Variants in PLD1 observed in about 807,000 individuals in gnomAD.
The protein encoded by PLD1 is choline phosphatase 1.
A neutral mutation model predicts 137.1 loss-of-function variants in PLD1; 112 were observed. The ratio of observed to expected loss-of-function variants is 0.82; its 90% CI spans 0.70 to 0.96. The LOEUF (loss-of-function observed/expected upper bound fraction) is 0.96, where lower values mean the gene tolerates loss of function less well. PLD1 is among the 40% of genes least tolerant of loss of function. The pLI, the probability that PLD1 is intolerant of heterozygous loss-of-function variation, is 0.00. For missense variants in PLD1, 1,321 were observed against 1,342.0 expected (o/e 0.98, Z 0.24); for synonymous variants, 431 against 454.7 (o/e 0.95, Z 0.66).
chr3:171,778,525 CA>C (rs1442105731), intron 1 of PLD1, among the ~76,000 whole-genome samples: 1 of 152,138 alleles, frequency 6.6e-6, no homozygotes, highest in African/African-American at 2.4e-5. Flanking sequence ...ATAAGATGGT[CA>C]GAAGAGGCCT....
At chr3:171,674,979 C>CAAAAAAAAAAAAAAAAAA (rs376402019) in intron 18 of PLD1, among the ~76,000 whole-genome samples, 8 of 74,976 alleles carry the variant, frequency 1.1e-4, no homozygotes, top group East Asian at 4.7e-4. Flanking sequence ...ATCTCCATCT[C>CAAAAAAAAAAAAAAAAAA]AAAAAAAAAA....
intron 1 of PLD1, among the ~76,000 whole-genome samples, chr3:171,757,925 A>C (rs1721136466): frequency 6.6e-6 from 1 of 152,238 alleles, no homozygotes; most frequent in African/African-American, 2.4e-5. Context: ...CCAATATAAG[A>C]AATAGCCAAT....
At chr3:171,656,156 T>TTTTTTTTATTTA (rs1553810398) in intron 21 of PLD1, among the ~76,000 whole-genome samples, 80 of 145,424 alleles carry the variant, frequency 5.5e-4, no homozygotes, top group African/African-American at 2.0e-3. Context: ...AATACTATAA[T>TTTTTTTTATTTA]TTTATTTATT....
intron 1 of PLD1, among the ~76,000 whole-genome samples, chr3:171,753,729 C>T (rs1038589581): frequency 6.6e-6 from 1 of 152,080 alleles, no homozygotes; most frequent in South Asian, 2.1e-4. Flanking sequence ...ATTATTTCAT[C>T]AGTCAACTCC....
At chr3:171,667,671 T>C (rs1231518936) in intron 19 of PLD1, among the ~76,000 whole-genome samples, 1 of 152,140 alleles carries the variant, frequency 6.6e-6, no homozygotes, top group Admixed American at 6.5e-5. Flanking sequence ...GTTACAACCA[T>C]CCTGGTCTTA....
intron 19 of PLD1, among the ~76,000 whole-genome samples, chr3:171,667,603 G>A (rs1712278356): frequency 6.6e-6 from 1 of 152,226 alleles, no homozygotes; most frequent in Non-Finnish European, 1.5e-5. Context: ...TGTGGCAACA[G>A]AAGGTGATAC....
intron 23 of PLD1, among the ~76,000 whole-genome samples, chr3:171,621,225 G>T (rs1733609004): frequency 6.6e-6 from 1 of 152,014 alleles, no homozygotes; most frequent in African/African-American, 2.4e-5. Context: ...ATCACATGGG[G>T]GCCATTCACA....
intron 19 of PLD1, among the ~76,000 whole-genome samples, chr3:171,669,342 T>G (rs1373134983): frequency 6.6e-6 from 1 of 152,120 alleles, no homozygotes; most frequent in African/African-American, 2.4e-5. Flanking sequence ...GCATAAAAAT[T>G]TCTATCTAGA....
chr3:171,682,302 T>C lies in PLD1; in HGVS notation c.1867+4383A>G, dbSNP rs372143306. On this transcript the variant is annotated intron_variant, in intron 16 of 26. Coordinates refer to ENST00000351298, the MANE Select transcript of PLD1 (RefSeq NM_002662.5). ...TGACTGAGTGATTTTGAAAAACATATATTTCAGATATGATTCCTAACCACG... is the reference window on the plus strand; with the variant it reads ...TGACTGAGTGATTTTGAAAAACATACATTTCAGATATGATTCCTAACCACG... Among the ~76,000 whole-genome samples, 3 of 152,202 alleles carry C rather than the reference T, an allele frequency of 2.0e-5. No individual in the cohort carries two copies. In the South Asian group the frequency reaches 6.2e-4, roughly 31 times the overall value.
chr3:171,666,139 G>A (rs1227554923), intron 19 of PLD1: 4 of 152,206 alleles, frequency 2.6e-5, no homozygotes, highest in African/African-American at 9.7e-5. Context: ...TGATGGCCTA[G>A]GAAGTTTTAT....
intron 16 of PLD1, 143 bp from the exon 17 acceptor site, chr3:171,677,837 G>A (rs143146196): frequency 1.5e-4 from 106 of 725,408 alleles, no homozygotes; most frequent in Non-Finnish European, 2.3e-4. Context: ...TTCTATTACA[G>A]GCTGTGGGCT....
At chr3:171,690,165 G>A (rs1182229211) in intron 13 of PLD1, among the ~76,000 whole-genome samples, 3 of 152,110 alleles carry the variant, frequency 2.0e-5, no homozygotes, top group Non-Finnish European at 2.9e-5. Context: ...ATTGCTTACA[G>A]TAATATCTTA....
chr3:171,764,868 A>AAGGAAGG (rs1721735031), intron 1 of PLD1, among the ~76,000 whole-genome samples: 1 of 27,350 alleles, frequency 3.7e-5, no homozygotes, highest in Non-Finnish European at 7.9e-5. Context: ...AGAAAGAAAG[A>AAGGAAGG]AAGAAAGAAA....
chr3:171,669,425 C>G (rs946739267), intron 19 of PLD1, among the ~76,000 whole-genome samples: 2 of 152,026 alleles, frequency 1.3e-5, no homozygotes, highest in Non-Finnish European at 2.9e-5. Context: ...GTTTTTTAGA[C>G]GAGTTTTGCT....
intron 12 of PLD1, among the ~76,000 whole-genome samples, chr3:171,696,539 G>T (rs1007708686): frequency 4.6e-5 from 7 of 152,266 alleles, no homozygotes; most frequent in Non-Finnish European, 7.4e-5. Flanking sequence ...TCAGATAGAA[G>T]AAAATAAAAC....
intron 23 of PLD1, among the ~76,000 whole-genome samples, chr3:171,635,979 T>C (rs1578154528): frequency 1.3e-5 from 1 of 79,540 alleles, no homozygotes; most frequent in African/African-American, 4.9e-5. Context: ...TTTTTTTTTT[T>C]TTTTTTTTTT....
intron 1 of PLD1, among the ~76,000 whole-genome samples, chr3:171,803,130 G>C (rs1234658843): frequency 2.0e-5 from 3 of 152,220 alleles, no homozygotes; most frequent in Non-Finnish European, 1.5e-5. Context: ...GGGAAGGCCA[G>C]CTCTTCAGGA....
chr3:171,770,797 G>T (rs993033393), intron 1 of PLD1, among the ~76,000 whole-genome samples: 1 of 150,516 alleles, frequency 6.6e-6, no homozygotes, highest in Non-Finnish European at 1.5e-5. Context: ...GTTGAGGTGG[G>T]AGGATCGCTT....
At chr3:171,772,133 C>A (rs1383987030) in intron 1 of PLD1, among the ~76,000 whole-genome samples, 2 of 152,234 alleles carry the variant, frequency 1.3e-5, no homozygotes, top group Non-Finnish European at 2.9e-5. Context: ...AATGTTCTAG[C>A]ATATTGTTAG....
Sources: gnomAD v4.1 joint callset for allele counts (sites outside exome capture counted in the v4.1 genomes callset) on GRCh38, gnomAD v4.1.1 for gene constraint, MANE v1.5 for transcripts, NCBI Gene and HGNC (gene_info 2026-07-23, HGNC 2026-07-21) for gene names.